The following KLRG1 variants were observed in gnomAD, a reference collection of about 807,000 sequenced individuals.
The protein encoded by KLRG1 is killer cell lectin like receptor G1, also known as killer cell lectin-like receptor subfamily G member 1.
A neutral mutation model predicts 21.8 loss-of-function variants in KLRG1; 16 were observed. The observed-to-expected ratio is 0.73, with a 90% CI of 0.50 to 1.11. The LOEUF is 1.11. Ranked by LOEUF, KLRG1 falls within the 50% of genes most tolerant of loss-of-function variation. KLRG1 has a pLI of 0.00. For missense variants in KLRG1, 173 were observed against 218.3 expected, an observed-to-expected ratio of 0.79 and a Z score of 1.31; for synonymous variants, 69 against 75.9, an observed-to-expected ratio of 0.91 and a Z score of 0.47.
chr12:9,129,140 C>T, the KLRG1 span, among the ~76,000 whole-genome samples: 2 of 152,236 alleles, frequency 1.3e-5, no homozygotes, highest in South Asian at 2.1e-4. Context: ...ACAGGCACAT[C>T]GGGCATATCC....
the KLRG1 span, among the ~76,000 whole-genome samples, chr12:9,040,796 AAAC>A: frequency 6.6e-6 from 1 of 152,266 alleles, no homozygotes; most frequent in Non-Finnish European, 1.5e-5. Context: ...GAAAGATTTC[AAAC>A]AACAACTAGA....
At chr12:9,016,660 T>C in the KLRG1 span, among the ~76,000 whole-genome samples, 2 of 152,336 alleles carry the variant, frequency 1.3e-5, no homozygotes, top group East Asian at 1.9e-4. Context: ...TTGCCCAGGC[T>C]GGAGTGCAGT....
At chr12:9,159,466 AATGTGGTAGTAT>A in the KLRG1 span, among the ~76,000 whole-genome samples, 1 of 152,004 alleles carries the variant, frequency 6.6e-6, no homozygotes, top group South Asian at 2.1e-4. Flanking sequence ...CTTAATCCCC[AATGTGGTAGTAT>A]TGAGAGGTGG....
At chr12:8,987,801 C>T (rs1946868795), upstream of KLRG1, among the ~76,000 whole-genome samples, 1 of 152,138 alleles carries the variant, frequency 6.6e-6, no homozygotes, top group Non-Finnish European at 1.5e-5. Context: ...ATAATGTTTT[C>T]AAGGTTCATC....
At chr12:9,111,972 A>C in the KLRG1 span, 1 of 763,096 alleles carries the variant, frequency 1.3e-6, no homozygotes, top group Non-Finnish European at 2.4e-6. Context: ...GCACCAAGAC[A>C]GAAAGAATTA....
chr12:9,163,693 G>A, the KLRG1 span: 6 of 1,613,754 alleles, frequency 3.7e-6, no homozygotes, highest in Non-Finnish European at 4.2e-6. Context: ...TTTGATGACT[G>A]TGTCTTTTCT....
chr12:9,081,490 A>G, the KLRG1 span, among the ~76,000 whole-genome samples: 1 of 152,220 alleles, frequency 6.6e-6, no homozygotes, highest in Non-Finnish European at 1.5e-5. Context: ...CCCTCCACAG[A>G]AAGTCCAACT....
chr12:8,967,185 TG>T (rs1271178030), intron 1 of KLRG1, among the ~76,000 whole-genome samples: 7 of 59,342 alleles, frequency 1.2e-4, no homozygotes, highest in African/African-American at 4.3e-4. Context: ...GGGACTGTTG[TG>T]GGGTGGGGGG....
the KLRG1 span, chr12:9,052,786 T>C: frequency 2.3e-6 from 1 of 426,882 alleles, no homozygotes. Context: ...CATTTAAAAA[T>C]GGGATTAATA....
At chr12:9,169,733 T>A in the KLRG1 span, 1 of 724,164 alleles carries the variant, frequency 1.4e-6, no homozygotes, top group African/African-American at 1.8e-5. Context: ...AGTTGAAGAT[T>A]TTCCTTATAT....
At chr12:8,988,933 G>A (rs1946892552), upstream of KLRG1, among the ~76,000 whole-genome samples, 4 of 152,062 alleles carry the variant, frequency 2.6e-5, no homozygotes, top group South Asian at 8.3e-4. Context: ...TTACTAAGAT[G>A]TTAGAATGTA....
chr12:8,979,086 C>T (rs1946712871), intron 1 of KLRG1, among the ~76,000 whole-genome samples: 1 of 148,422 alleles, frequency 6.7e-6, no homozygotes, highest in Non-Finnish European at 1.5e-5. Flanking sequence ...GCAATGTCAG[C>T]TCACTGCAGC....
the KLRG1 span, among the ~76,000 whole-genome samples, chr12:9,131,682 A>G: frequency 6.6e-6 from 1 of 152,048 alleles, no homozygotes; most frequent in African/African-American, 2.4e-5. Context: ...ATAAATATTC[A>G]GTTAATGATG....
At chr12:8,950,066 C>T (rs1330935857) in exon 1 of KLRG1, 5 of 152,132 alleles carry the variant, frequency 3.3e-5, no homozygotes, top group Admixed American at 2.0e-4. Context: ...AGGTCTCCTC[C>T]GGGCGCTTCC....
chr12:9,059,996 C>CCTTT, the KLRG1 span, among the ~76,000 whole-genome samples: 2 of 75,572 alleles, frequency 2.6e-5, no homozygotes, highest in African/African-American at 1.1e-4. Context: ...GCCCTGGCAT[C>CCTTT]TTTTTTTTTT....
chr12:8,996,389 T>TA (rs1249452405), intron 3 of KLRG1: 1 of 152,358 alleles, frequency 6.6e-6, no homozygotes, highest in East Asian at 1.9e-4. Flanking sequence ...GTGTTAGTGC[T>TA]AATTTGATAC....
At chr12:9,112,592 T>C in the KLRG1 span, 1 of 1,593,022 alleles carries the variant, frequency 6.3e-7, no homozygotes, top group Non-Finnish European at 8.6e-7. Context: ...TCTCCTCCCC[T>C]ATTTGCTGTT....
At chr12:9,069,009 C>T in the KLRG1 span, 7 of 517,058 alleles carry the variant, frequency 1.4e-5, no homozygotes, top group Non-Finnish European at 2.4e-5. Context: ...ATGATAAATT[C>T]TCCAGATTAT....
the KLRG1 span, chr12:9,077,938 A>G: frequency 6.5e-7 from 1 of 1,548,184 alleles, no homozygotes; most frequent in East Asian, 2.3e-5. Context: ...GCTTCATATG[A>G]TGTGAGTTAG....
Sources: gnomAD v4.1 joint callset for allele counts (sites outside exome capture counted in the v4.1 genomes callset) on GRCh38, gnomAD v4.1.1 for gene constraint, MANE v1.5 for transcripts, NCBI Gene and HGNC (gene_info 2026-07-23, HGNC 2026-07-21) for gene names.